The following GTPBP1 variants were observed in gnomAD, a reference collection of about 807,000 sequenced individuals.
GTPBP1 encodes GTP-binding protein 1.
GTPBP1 carries 23 observed loss-of-function variants against 62.0 expected under a neutral mutation model. The ratio of observed to expected loss-of-function variants is 0.37; its 90% confidence interval spans 0.27 to 0.53. The LOEUF (loss-of-function observed/expected upper bound fraction) is 0.53, where lower values mean the gene tolerates loss of function less well. Among genes scored for constraint, GTPBP1 ranks in the 20% least tolerant of loss-of-function variants. The pLI, the probability that GTPBP1 is intolerant of heterozygous loss-of-function variation, is 0.89. For missense variants in GTPBP1, 640 were observed against 917.3 expected, an observed-to-expected ratio of 0.70 and a Z score of 3.90; for synonymous variants, 344 against 364.4, an observed-to-expected ratio of 0.94 and a Z score of 0.64.
downstream of GTPBP1, chr22:38,738,856 G>A (rs749003532): frequency 1.9e-6 from 3 of 1,598,534 alleles, no homozygotes; most frequent in Admixed American, 1.7e-5. This position sits in a 1 kb window ranked among gnomAD's most constrained non-coding sequence, Gnocchi z 6.6. Flanking sequence ...CCGCTGCTGT[G>A]CTTGCCAGGT....
Position 38,708,797 on chromosome 22 carries a change from G to A in GTPBP1, c.193-48G>A, listed in dbSNP as rs370278414. On this transcript the variant is annotated intron_variant, in intron 1 of 11. Transcript: ENST00000216044. ...GCTATATTGATCAGCTTTGGCTGTG[G>A]TGCTCTTCTAGCAAGTGTGGTCCTA... 595 of 1,013,486 alleles carry A rather than the reference G, an allele frequency of 5.9e-4. 1 individual carries two copies. The highest frequency in any genetic ancestry group is 8.9e-4 in the Non-Finnish European group (565 of 631,536). 62.8% of individuals were successfully genotyped at this position (1,013,486 alleles called of 1,614,324 possible).
In GTPBP1 at chr22:38,730,668, C is replaced by T. The variant is rs372972133; in HGVS notation, c.1974C>T (p.Ser658=). 5.9e-5 allele frequency: 94 copies of T among 1,604,258 alleles called. No homozygotes were observed. The highest frequency in any genetic ancestry group is 3.5e-5 in the Non-Finnish European group (41 of 1,178,286). ...GGGGCCAGCGCCACAAGGTGAAGTC[C>T]CAGGGGGCCTGTGTGACTCCTGCCA... The part of the protein sequence containing the change: ...RRGGQRHKVK[S]QGACVTPASG... Residue 658 remains serine (S), a synonymous_variant, in exon 12 of 12, where the codon TCC becomes TCT. Coordinates refer to ENST00000216044, the MANE Select transcript of GTPBP1 (RefSeq NM_004286.5). The surrounding 1 kb of genome is among the most constrained non-coding windows in gnomAD (Gnocchi z 5.6).
At chr22:38,707,157 A>G (rs2092610074) in intron 1 of GTPBP1, among the ~76,000 whole-genome samples, 1 of 152,272 alleles carries the variant, frequency 6.6e-6, no homozygotes, top group Non-Finnish European at 1.5e-5. Context: ...CTAGAGACTC[A>G]GTAAATGTTT....
At chr22:38,742,691 C>T (rs2145984323), downstream of GTPBP1, 3 of 1,185,318 alleles carry the variant, frequency 2.5e-6, no homozygotes, top group African/African-American at 1.5e-5. Context: ...CCATGCAGGG[C>T]CGGCTGGAGC....
At chr22:38,734,517 T>C (rs761950819), downstream of GTPBP1, 5 of 318,990 alleles carry the variant, frequency 1.6e-5, no homozygotes, top group Non-Finnish European at 3.2e-5. Flanking sequence ...CCTCACTGCT[T>C]CCTCATGCCA....
downstream of GTPBP1, chr22:38,739,617 C>T: frequency 1.4e-6 from 2 of 1,428,322 alleles, no homozygotes; most frequent in African/African-American, 1.4e-5. The surrounding 1 kb of genome is among the most constrained non-coding windows in gnomAD (Gnocchi z 6.7). Flanking sequence ...CTGCTTGGCA[C>T]TTCCATCCTG....
At chr22:38,741,532 A>G (rs528746676), downstream of GTPBP1, 9 of 1,613,994 alleles carry the variant, frequency 5.6e-6, no homozygotes, top group Non-Finnish European at 7.6e-6. Context: ...AGGTCTTCTG[A>G]GTCTTGCTGA....
At position 38,727,395 on chromosome 22, in the gene GTPBP1, C is replaced by A; in HGVS notation, c.1537+47C>A. 3 of 1,483,510 alleles carry A rather than the reference C, an allele frequency of 2.0e-6. No individual in the cohort carries two copies. The highest frequency in any genetic ancestry group is 2.7e-6 in the Non-Finnish European group (3 of 1,112,174). The allele number at this position is 1,483,510 out of a possible 1,614,324, so 91.9% of individuals were successfully genotyped here. On this transcript the variant is annotated intron_variant, in intron 9 of 11. Coordinates refer to ENST00000216044, the MANE Select transcript of GTPBP1 (RefSeq NM_004286.5). This position sits in a 1 kb window ranked among gnomAD's most constrained non-coding sequence, Gnocchi z 6.5. ...AGCCCAGGAGGCCGTCGTGTTAGCT[C>A]CCCTCAGAAGGTGTTCCAGCAACCC...
At chr22:38,739,183 C>T, downstream of GTPBP1, 1 of 932,624 alleles carries the variant, frequency 1.1e-6, no homozygotes, top group East Asian at 2.6e-5. The surrounding 1 kb of genome is among the most constrained non-coding windows in gnomAD (Gnocchi z 6.7). Context: ...TCCTGACTTC[C>T]CTGAATTGCC....
At chr22:38,712,724 T>C (rs868038912) in intron 2 of GTPBP1, among the ~76,000 whole-genome samples, 1 of 152,000 alleles carries the variant, frequency 6.6e-6, no homozygotes, top group African/African-American at 2.4e-5. Flanking sequence ...CAAGGTGACG[T>C]TGGTGATAGC....
rs190077968 is a variant in GTPBP1 at position 38,720,167 on chromosome 22, A to G, written c.835-1575A>G. 8.6e-4 allele frequency among the ~76,000 whole-genome samples: 130 copies of G among 151,402 alleles called. 1 individual carries two copies. The highest frequency in any genetic ancestry group is 1.5e-3 in the Non-Finnish European group (102 of 67,812). Reference sequence around the variant, plus strand: ...ATGGTCTCGAGCTCCTGACCTCATGATCTGCCCGCCTCGGCCTCCCAAAGT... The same window carrying G: ...ATGGTCTCGAGCTCCTGACCTCATGGTCTGCCCGCCTCGGCCTCCCAAAGT... On this transcript the variant is annotated intron_variant, in intron 4 of 11. Transcript: ENST00000216044.
At chr22:38,739,305 C>T (rs1488519446), downstream of GTPBP1, 1 of 1,607,732 alleles carries the variant, frequency 6.2e-7, no homozygotes, top group Non-Finnish European at 8.5e-7. The surrounding 1 kb of genome is among the most constrained non-coding windows in gnomAD (Gnocchi z 6.7). Flanking sequence ...ATTGCGGGGT[C>T]CAGGACAAGG....
rs1421158163 is a variant in GTPBP1 at position 38,727,215 on chromosome 22, C to A, written c.1404C>A (p.Ile468=). ...CTGGGGCTCCCTCTTTCTTTCAGATCAAGCGCTCGTCCATCCGGAAGGGCA... is the reference window on the plus strand; with the variant it reads ...CTGGGGCTCCCTCTTTCTTTCAGATAAAGCGCTCGTCCATCCGGAAGGGCA... ...GQTASFALKK[I]KRSSIRKGMV... The change falls in exon 9 of 12, where the codon ATC becomes ATA. Residue 468 remains isoleucine, a splice_region_variant and synonymous_variant. Transcript: ENST00000216044. This position sits in a 1 kb window ranked among gnomAD's most constrained non-coding sequence, Gnocchi z 6.5. The A allele has an allele frequency of 3.2e-6, 5 of 1,575,406 alleles. No individual in the cohort carries two copies. The highest frequency in any genetic ancestry group is 4.3e-6 in the Non-Finnish European group (5 of 1,161,452).
At chr22:38,718,762 G>A (rs1270448843) in intron 4 of GTPBP1, among the ~76,000 whole-genome samples, 1 of 152,200 alleles carries the variant, frequency 6.6e-6, no homozygotes, top group Non-Finnish European at 1.5e-5. Flanking sequence ...GTACAAAATT[G>A]TGAAAAGTTT....
At position 38,716,455 on chromosome 22, in the gene GTPBP1, T is replaced by C. The variant is rs539967091; in HGVS notation, c.486-197T>C. Among the ~76,000 whole-genome samples the C allele has an allele frequency of 3.9e-5, 6 of 152,290 alleles. No homozygotes were observed. In the South Asian group the frequency reaches 6.2e-4, roughly 16 times the overall value. ...AAGGGAGATAGCCGCTGTGGGAGTCTGGGCCCTTCTGATGACTCTACAGCA... is the reference window on the plus strand; with the variant it reads ...AAGGGAGATAGCCGCTGTGGGAGTCCGGGCCCTTCTGATGACTCTACAGCA... On this transcript the variant is annotated intron_variant, in intron 3 of 11. Coordinates refer to ENST00000216044, the MANE Select transcript of GTPBP1 (RefSeq NM_004286.5). The surrounding 1 kb of genome is among the most constrained non-coding windows in gnomAD (Gnocchi z 5.2).
At position 38,729,458 on chromosome 22, in the gene GTPBP1, A is replaced by G. The variant is rs567482529; in HGVS notation, c.1717-4A>G. The G allele has an allele frequency of 8.7e-5, 139 of 1,594,634 alleles. 3 individuals are homozygous for G. In the South Asian group the frequency reaches 1.3e-3, roughly 15 times the overall value. ...GCCTCAGCCTCTCTCCATGGCTCCC[A>G]CAGCTCCTCCAGACCACCAACAACT... is the stretch of plus-strand genomic sequence containing the variant. On this transcript the variant is annotated splice_polypyrimidine_tract_variant and splice_region_variant and intron_variant, in intron 10 of 11. Transcript: ENST00000216044.
downstream of GTPBP1, chr22:38,734,640 A>G: frequency 4.9e-6 from 1 of 204,498 alleles, no homozygotes; most frequent in Non-Finnish European, 1.0e-5. Flanking sequence ...GTCTTTGGGG[A>G]CATTCGTTTG....
Position 38,727,155 on chromosome 22 carries a change from G to C in GTPBP1, c.1402-58G>C. On this transcript the variant is annotated intron_variant, in intron 8 of 11. Coordinates refer to ENST00000216044, the MANE Select transcript of GTPBP1 (RefSeq NM_004286.5). The surrounding 1 kb of genome is among the most constrained non-coding windows in gnomAD (Gnocchi z 6.5). ...GAAAGACTCTTGGTCCCTGGGACCA[G>C]GGGTGAAACCAGAAGGCATAATTGT... is the stretch of plus-strand genomic sequence containing the variant. 6.8e-7 allele frequency: 1 copy of C among 1,471,662 alleles called. No individual in the cohort carries two copies. The highest frequency in any genetic ancestry group is 9.1e-7 in the Non-Finnish European group (1 of 1,100,664). The allele number at this position is 1,471,662 out of a possible 1,614,324, so 91.2% of individuals were successfully genotyped here.
Position 38,727,447 on chromosome 22 carries a change from G to C in GTPBP1, c.1537+99G>C. 8.4e-7 allele frequency: 1 copy of C among 1,197,340 alleles called. No individual in the cohort carries two copies. The highest frequency in any genetic ancestry group is 1.6e-5 in the South Asian group (1 of 61,116). 74.2% of individuals were successfully genotyped at this position (1,197,340 alleles called of 1,614,324 possible). On this transcript the variant is annotated intron_variant, in intron 9 of 11. Transcript: ENST00000216044. The surrounding 1 kb of genome is among the most constrained non-coding windows in gnomAD (Gnocchi z 6.5). ...GGCCCCCTAGTTCCAGCTGCAGCTG[G>C]GTGGTAGGCCTCCTTCCTGTTTAGT...
Sources: gnomAD v4.1 joint callset for allele counts (sites outside exome capture counted in the v4.1 genomes callset) on GRCh38, gnomAD v4.1.1 for gene constraint, Gnocchi (gnomAD v3.1) non-coding constraint, MANE v1.5 for transcripts, NCBI Gene and HGNC (gene_info 2026-07-23, HGNC 2026-07-21) for gene names.